The following DYNLT2 variants were observed in gnomAD, a reference collection of about 807,000 sequenced individuals.
DYNLT2 encodes dynein light chain Tctex-type protein 2.
Under a neutral mutation model 24.3 loss-of-function variants are expected in DYNLT2, and 24 were observed. That is an observed-to-expected ratio of 0.99 (90% CI 0.71 to 1.39). DYNLT2 has a LOEUF of 1.39. Among genes scored for constraint, DYNLT2 ranks in the 40% most tolerant of loss-of-function variants. DYNLT2 has a pLI of 0.00. For synonymous variants in DYNLT2, 85 were observed against 85.4 expected, an observed-to-expected ratio of 1.00 and a Z score of 0.03; for missense variants, 246 against 234.5, an observed-to-expected ratio of 1.05 and a Z score of -0.32.
At chr6:169,728,351 G>C in the DYNLT2 span, among the ~76,000 whole-genome samples, 1 of 152,158 alleles carries the variant, frequency 6.6e-6, no homozygotes, top group Admixed American at 6.5e-5. Context: ...GAGCTGGAAG[G>C]ACAGGAAATG....
chr6:169,740,848 TC>T, intron 3 of DYNLT2, among the ~76,000 whole-genome samples: 1 of 151,812 alleles, frequency 6.6e-6, no homozygotes, highest in East Asian at 1.9e-4. Flanking sequence ...CACTCTTATT[TC>T]CCAGGCTAGA....
Position 169,751,567 on chromosome 6 carries a change from G to GGAA in DYNLT2, c.-112_-110dup. 6.2e-7 allele frequency: 1 copy of GGAA among 1,608,720 alleles called. No homozygotes were observed. The highest frequency in any genetic ancestry group is 8.5e-7 in the Non-Finnish European group (1 of 1,177,862). ...TCTCCCACCTGCGCCTCGTACGGTA[G>GGAA]GAAGTGCCCGCCAGGGCTCCAAAGC... On this transcript the variant is annotated 5_prime_UTR_variant, in exon 1 of 4. Transcript: ENST00000366774.
At chr6:169,735,174 T>C (rs538923902), downstream of DYNLT2, among the ~76,000 whole-genome samples, 3 of 152,304 alleles carry the variant, frequency 2.0e-5, no homozygotes, top group East Asian at 3.9e-4. Flanking sequence ...TTGATTCTTC[T>C]CTCTTCTTAT....
In DYNLT2 at chr6:169,750,866, C is replaced by G. The variant is rs554143735; in HGVS notation, c.120+473G>C. 3.5e-4 allele frequency: 54 copies of G among 152,632 alleles called. No homozygotes were observed. The South Asian group carries it at 0.011, about 32-fold the overall frequency. 9.5% of individuals were successfully genotyped at this position (152,632 alleles called of 1,614,324 possible). On this transcript the variant is annotated intron_variant, in intron 1 of 3. Coordinates refer to ENST00000366774, the MANE Select transcript of DYNLT2 (RefSeq NM_174910.3). ...TTTCTCCTGTACATTCTTCAAATAT[C>G]CAGACTGCTGATGTTTTAAAAACCC...
chr6:169,737,281 A>AT (rs1462973591), downstream of DYNLT2, among the ~76,000 whole-genome samples: 2 of 152,038 alleles, frequency 1.3e-5, no homozygotes, highest in Non-Finnish European at 2.9e-5. Flanking sequence ...GTTGATCATA[A>AT]TTTTTTTATT....
At chr6:169,741,575 A>G (rs1372566694) in intron 3 of DYNLT2, among the ~76,000 whole-genome samples, 1 of 152,194 alleles carries the variant, frequency 6.6e-6, no homozygotes, top group Non-Finnish European at 1.5e-5. Flanking sequence ...ATACAATAAT[A>G]TAAGCTGAAA....
At chr6:169,725,551 C>T in the DYNLT2 span, 4 of 388,208 alleles carry the variant, frequency 1.0e-5, no homozygotes, top group East Asian at 7.4e-5. Flanking sequence ...TAAGCTTCCG[C>T]CGCACTTCTT....
At chr6:169,745,933 A>G (rs1331372522) in intron 1 of DYNLT2, among the ~76,000 whole-genome samples, 1 of 152,192 alleles carries the variant, frequency 6.6e-6, no homozygotes, top group Non-Finnish European at 1.5e-5. Context: ...GCTGTTATTG[A>G]TTCAAGTTTT....
chr6:169,740,091 A>G, downstream of DYNLT2: 1 of 834,934 alleles, frequency 1.2e-6, no homozygotes, highest in Non-Finnish European at 1.9e-6. Context: ...ATAAGAATAT[A>G]GCAAATCAGA....
downstream of DYNLT2, among the ~76,000 whole-genome samples, chr6:169,738,283 A>G (rs1188784625): frequency 6.6e-6 from 1 of 152,224 alleles, no homozygotes; most frequent in Non-Finnish European, 1.5e-5. Flanking sequence ...AGGAGTTCAA[A>G]TGGCTTAGAC....
At chr6:169,740,650 A>C (rs1213010367) in intron 3 of DYNLT2, among the ~76,000 whole-genome samples, 1 of 152,164 alleles carries the variant, frequency 6.6e-6, no homozygotes, top group Non-Finnish European at 1.5e-5. Context: ...AAAGATTTTC[A>C]GCCAAAGAGG....
Position 169,751,563 on chromosome 6 carries a change from G to C in DYNLT2, c.-105C>G, listed in dbSNP as rs925376351. 1.6e-4 allele frequency: 260 copies of C among 1,609,198 alleles called. No individual in the cohort carries two copies. Among genetic ancestry groups the C allele is most frequent in the Non-Finnish European group, 2.0e-4 (237 of 1,178,204 alleles). ...GAAGTCTCCCACCTGCGCCTCGTAC[G>C]GTAGGAAGTGCCCGCCAGGGCTCCA... On this transcript the variant is annotated 5_prime_UTR_variant, in exon 1 of 4. Transcript: ENST00000366774.
chr6:169,730,427 A>G, the DYNLT2 span, among the ~76,000 whole-genome samples: 2 of 152,218 alleles, frequency 1.3e-5, no homozygotes, highest in East Asian at 1.9e-4. Flanking sequence ...GGGGTTACCT[A>G]CGCTAACTCC....
chr6:169,728,408 C>G, the DYNLT2 span, among the ~76,000 whole-genome samples: 1 of 152,114 alleles, frequency 6.6e-6, no homozygotes, highest in Non-Finnish European at 1.5e-5. Flanking sequence ...AGAAGTCATA[C>G]TAATATTGGC....
At chr6:169,734,363 G>C in the DYNLT2 span, among the ~76,000 whole-genome samples, 12 of 152,154 alleles carry the variant, frequency 7.9e-5, no homozygotes, top group African/African-American at 2.4e-4. Context: ...TCTTGTACTG[G>C]TTTTCCAAGG....
the DYNLT2 span, among the ~76,000 whole-genome samples, chr6:169,729,565 T>C: frequency 6.6e-6 from 1 of 152,184 alleles, no homozygotes. Flanking sequence ...TGACAGACTC[T>C]GAAAGAAGGA....
In DYNLT2 at chr6:169,751,558, C is replaced by G. The variant is rs1025109634; in HGVS notation, c.-100G>C. 1.2e-6 allele frequency: 2 copies of G among 1,609,878 alleles called. No individual in the cohort carries two copies. The highest frequency in any genetic ancestry group is 2.2e-5 in the South Asian group (2 of 90,730). ...GGGCGGAAGTCTCCCACCTGCGCCT[C>G]GTACGGTAGGAAGTGCCCGCCAGGG... On this transcript the variant is annotated 5_prime_UTR_variant, in exon 1 of 4. Transcript: ENST00000366774.
At chr6:169,725,517 C>T in the DYNLT2 span, 8 of 394,602 alleles carry the variant, frequency 2.0e-5, no homozygotes, top group Admixed American at 1.3e-4. Flanking sequence ...TCCGTTCTTG[C>T]CTCTGTCCCA....
At chr6:169,729,456 A>T in the DYNLT2 span, among the ~76,000 whole-genome samples, 1 of 152,104 alleles carries the variant, frequency 6.6e-6, no homozygotes, top group African/African-American at 2.4e-5. Flanking sequence ...GTAAAATATC[A>T]TGTTAGTTTA....
Sources: allele counts gnomAD v4.1 joint callset (sites outside exome capture counted in the v4.1 genomes callset), GRCh38; gene constraint gnomAD v4.1.1; transcripts MANE v1.5; gene names NCBI Gene and HGNC (gene_info 2026-07-23, HGNC 2026-07-21).